The following RFX7 variants were observed in gnomAD, a reference collection of about 807,000 sequenced individuals.
RFX7 encodes the protein DNA-binding protein RFX7.
Under a neutral mutation model 111.8 loss-of-function variants are expected in RFX7, and 26 were observed. The ratio of observed to expected loss-of-function variants is 0.23; its 90% confidence interval spans 0.17 to 0.32. RFX7 has a LOEUF of 0.32. Ranked by LOEUF, RFX7 falls within the 10% of genes least tolerant of loss-of-function variation. The pLI is 1.00. For synonymous variants in RFX7, 624 were observed against 624.4 expected (o/e 1.00, Z 0.01); for missense variants, 1,573 against 1,772.9 (o/e 0.89, Z 2.02).
At chr15:56,098,676 T>C (rs2041714498) in intron 8 of RFX7, among the ~76,000 whole-genome samples, 1 of 152,224 alleles carries the variant, frequency 6.6e-6, no homozygotes, top group Non-Finnish European at 1.5e-5. Context: ...ATATCGTAAA[T>C]GTGCAGAAGC....
chr15:56,146,113 T>G (rs778494989), intron 3 of RFX7, among the ~76,000 whole-genome samples: 1 of 152,170 alleles, frequency 6.6e-6, no homozygotes, highest in African/African-American at 2.4e-5. Flanking sequence ...CAAATTGTTT[T>G]TTTTAAGAGA....
intron 5 of RFX7, among the ~76,000 whole-genome samples, chr15:56,109,391 C>G (rs1466209220): frequency 6.6e-6 from 1 of 152,126 alleles, no homozygotes; most frequent in Non-Finnish European, 1.5e-5. Context: ...GATCTCGGCT[C>G]GCTACAACAT....
chr15:56,243,053 G>GC, intron 2 of RFX7, 72 bp downstream of exon 2: 8 of 519,392 alleles, frequency 1.5e-5, no homozygotes, highest in East Asian at 7.7e-5. Context: ...CCCCCCGCCC[G>GC]CCGCCCCCCA....
intron 5 of RFX7, among the ~76,000 whole-genome samples, chr15:56,122,199 C>T (rs1449610117): frequency 2.6e-5 from 4 of 151,984 alleles, no homozygotes; most frequent in East Asian, 3.9e-4. Context: ...ACTTTTGTGC[C>T]GTGATCTGTT....
At chr15:56,144,754 C>G (rs1432835052) in intron 3 of RFX7, among the ~76,000 whole-genome samples, 1 of 152,040 alleles carries the variant, frequency 6.6e-6, no homozygotes, top group Non-Finnish European at 1.5e-5. Flanking sequence ...AAAAAAGCTT[C>G]TCATTTTTAA....
Position 56,096,574 on chromosome 15 carries a change from G to A in RFX7, c.1154C>T (p.Ser385Phe). 6.3e-7 allele frequency: 1 copy of A among 1,596,590 alleles called. No homozygotes were observed. Among genetic ancestry groups the A allele is most frequent in the Non-Finnish European group, 8.5e-7 (1 of 1,170,956 alleles). Residue 385 changes from serine (S) to phenylalanine (F), a missense_variant, in exon 10 of 10, where the codon TCT becomes TTT. By Grantham distance (155) the Ser-to-Phe change is radical. Around this residue, in one of 7 missense-constraint regions of RFX7, gnomAD observed 288 missense variants for 337.9 expected, o/e 0.85. Transcript: ENST00000559447. ...QLVTSPSPMS[S>F]SDGKVLPLNV... ...GAGGGGAAGAACTTTGCCGTCAGAA[G>A]AACTCATTGGACTCGGTGAAGTTAC...
chr15:56,165,157 G>C (rs1007040290), intron 3 of RFX7, among the ~76,000 whole-genome samples: 4 of 152,186 alleles, frequency 2.6e-5, no homozygotes, highest in Non-Finnish European at 5.9e-5. Flanking sequence ...GATCTGACAG[G>C]AGGCGGAGCT....
At chr15:56,178,813 A>G (rs1223399589) in intron 3 of RFX7, among the ~76,000 whole-genome samples, 1 of 152,150 alleles carries the variant, frequency 6.6e-6, no homozygotes, top group African/African-American at 2.4e-5. Context: ...TTGAAAACAA[A>G]TTTTTACAAT....
chr15:56,183,115 C>A (rs1222199403), intron 2 of RFX7, among the ~76,000 whole-genome samples: 1 of 151,760 alleles, frequency 6.6e-6, no homozygotes, highest in East Asian at 1.9e-4. Flanking sequence ...TGTTGTGTGC[C>A]TTTTTACCTG....
chr15:56,108,058 T>C (rs947229005), intron 5 of RFX7, among the ~76,000 whole-genome samples: 7 of 152,314 alleles, frequency 4.6e-5, no homozygotes, highest in African/African-American at 1.4e-4. Flanking sequence ...ATTGAGGCAG[T>C]AATAAATAGC....
intron 2 of RFX7, among the ~76,000 whole-genome samples, chr15:56,200,178 A>T (rs1216861923): frequency 6.6e-6 from 1 of 152,178 alleles, no homozygotes. Context: ...TTCCAAATAC[A>T]GGCAAATTTA....
intron 3 of RFX7, among the ~76,000 whole-genome samples, chr15:56,152,330 G>A (rs188739371): frequency 6.6e-6 from 1 of 152,118 alleles, no homozygotes; most frequent in Non-Finnish European, 1.5e-5. Flanking sequence ...AAATGCAAAA[G>A]AAGGGAAATC....
At chr15:56,180,750 C>CAAAA (rs869160446) in intron 2 of RFX7, among the ~76,000 whole-genome samples, 32 of 65,572 alleles carry the variant, frequency 4.9e-4, no homozygotes, top group Non-Finnish European at 6.2e-5. Flanking sequence ...TACTAAAATA[C>CAAAA]AAAAAAAAAA....
chr15:56,131,639 C>G (rs559151545), intron 5 of RFX7, among the ~76,000 whole-genome samples: 21 of 152,142 alleles, frequency 1.4e-4, no homozygotes, highest in African/African-American at 5.1e-4. Flanking sequence ...CATTTGGATG[C>G]CAAAATATTT....
intron 5 of RFX7, among the ~76,000 whole-genome samples, chr15:56,109,038 TCTCC>T (rs2041870012): frequency 7.5e-6 from 1 of 133,402 alleles, no homozygotes; most frequent in Non-Finnish European, 1.7e-5. Context: ...TCCCTCTCCC[TCTCC>T]CACTCCCTCT....
At chr15:56,121,569 C>A (rs2140967558) in intron 5 of RFX7, among the ~76,000 whole-genome samples, 1 of 152,270 alleles carries the variant, frequency 6.6e-6, no homozygotes, top group East Asian at 1.9e-4. Flanking sequence ...ATATCTCTCT[C>A]TAGGTTTTGG....
chr15:56,165,612 C>G (rs1396905271), intron 3 of RFX7, among the ~76,000 whole-genome samples: 1 of 152,178 alleles, frequency 6.6e-6, no homozygotes, highest in Non-Finnish European at 1.5e-5. Context: ...ACTCATTAGA[C>G]ACGTTCCATT....
intron 5 of RFX7, 47 bp from the exon 6 acceptor site, chr15:56,103,717 A>C: frequency 1.8e-6 from 2 of 1,137,336 alleles, no homozygotes; most frequent in Non-Finnish European, 1.3e-6. Flanking sequence ...ATTCAGAATT[A>C]TATCGCAGGG....
intron 2 of RFX7, among the ~76,000 whole-genome samples, chr15:56,236,276 T>C (rs2043622318): frequency 6.6e-6 from 1 of 152,212 alleles, no homozygotes; most frequent in African/African-American, 2.4e-5. Context: ...AAGGTATTTA[T>C]TTATGTGGGT....
Sources: gnomAD v4.1 joint callset for allele counts (sites outside exome capture counted in the v4.1 genomes callset) on GRCh38, gnomAD v4.1.1 for gene constraint, gnomAD v4.1.1 regional missense constraint, MANE v1.5 for transcripts, NCBI Gene and HGNC (gene_info 2026-07-23, HGNC 2026-07-21) for gene names.